TCF7L1: variants seen among roughly 807,000 people sequenced by gnomAD.
TCF7L1 encodes transcription factor 7 like 1.
In TCF7L1, 18 loss-of-function variants were observed where a neutral mutation model predicts 63.7. The ratio of observed to expected loss-of-function variants is 0.28; its 90% CI spans 0.20 to 0.42. The LOEUF (loss-of-function observed/expected upper bound fraction) is 0.42, where lower values mean the gene tolerates loss of function less well. Among genes scored for constraint, TCF7L1 ranks in the 10% least tolerant of loss-of-function variants. TCF7L1 has a pLI of 1.00. For missense variants in TCF7L1, 654 were observed against 779.3 expected, an observed-to-expected ratio of 0.84 and a Z score of 1.91; for synonymous variants, 355 against 340.9, an observed-to-expected ratio of 1.04 and a Z score of -0.46.
At chr2:85,212,286 C>G (rs973499640) in intron 3 of TCF7L1, among the ~76,000 whole-genome samples, 2 of 152,122 alleles carry the variant, frequency 1.3e-5, no homozygotes, top group Admixed American at 6.6e-5. Flanking sequence ...GGACCCACCA[C>G]TTACCAGCTG....
rs548203815 is a variant in TCF7L1 at position 85,180,239 on chromosome 2, T to G, written c.441+45789T>G. Among the ~76,000 whole-genome samples the G allele has an allele frequency of 2.8e-4, 43 of 151,734 alleles. 1 individual carries two copies. The South Asian group carries it at 8.9e-3, about 32-fold the overall frequency. On this transcript the variant is annotated intron_variant, in intron 3 of 11. Transcript: ENST00000282111. ...TTTTTTTTGTTTTTGTTTTTGTTTT[T>G]TTTTTTGGTAGAGACAGGGTCTTGC...
At chr2:85,254,733 C>G (rs527427566) in intron 3 of TCF7L1, among the ~76,000 whole-genome samples, 1 of 152,330 alleles carries the variant, frequency 6.6e-6, no homozygotes, top group East Asian at 1.9e-4. Flanking sequence ...CCAATCTGCA[C>G]TGAGATCTGC....
rs1166067431 is a variant in TCF7L1 at position 85,222,366 on chromosome 2, A to AAC, written c.442-61128_442-61127insCA. Among the ~76,000 whole-genome samples the AAC allele has an allele frequency of 2.7e-3, 404 of 146,926 alleles. 3 individuals are homozygous for AAC. The highest frequency in any genetic ancestry group is 9.8e-3 in the African/African-American group (390 of 39,960). The stretch of plus-strand genomic sequence containing the variant: ...AAAAAAAAAAACAAACAAACAAACA[A>AAC]AAAAAAAAACACTAAAGGCTTGGCC... On this transcript the variant is annotated intron_variant, in intron 3 of 11. Coordinates refer to ENST00000282111, the MANE Select transcript of TCF7L1 (RefSeq NM_031283.3).
At chr2:85,285,232 C>CA (rs11381989) in intron 4 of TCF7L1, among the ~76,000 whole-genome samples, 1,915 of 128,186 alleles carry the variant, frequency 0.015, 33 homozygotes, top group African/African-American at 0.045. Flanking sequence ...GACTCTGTCT[C>CA]AAAAAAAAAA....
chr2:85,156,196 G>A (rs1295577420), intron 3 of TCF7L1, among the ~76,000 whole-genome samples: 1 of 152,172 alleles, frequency 6.6e-6, no homozygotes, highest in Non-Finnish European at 1.5e-5. Flanking sequence ...AAGTGGGTAG[G>A]TATGTACGTC....
intron 3 of TCF7L1, among the ~76,000 whole-genome samples, chr2:85,224,516 G>A (rs184580888): frequency 1.3e-5 from 2 of 152,320 alleles, no homozygotes; most frequent in East Asian, 3.9e-4. Flanking sequence ...TTTTTGATTT[G>A]CATTTCTCTG....
intron 3 of TCF7L1, among the ~76,000 whole-genome samples, chr2:85,208,702 GA>G (rs1679472270): frequency 6.6e-6 from 1 of 152,176 alleles, no homozygotes; most frequent in African/African-American, 2.4e-5. Context: ...TGGAAGGATG[GA>G]AATGGGAGCT....
At chr2:85,253,631 T>G (rs1033981243) in intron 3 of TCF7L1, among the ~76,000 whole-genome samples, 1 of 152,138 alleles carries the variant, frequency 6.6e-6, no homozygotes, top group Non-Finnish European at 1.5e-5. Context: ...GAAAGGTTAG[T>G]GTCACAACAG....
At position 85,133,695 on chromosome 2, in the gene TCF7L1, TCGGCGGCGGGGGCGG is replaced by T. The variant is rs1228863977; in HGVS notation, c.21_35del (p.Gly10_Gly14del). On this transcript the variant is annotated inframe_deletion, in exon 1 of 12. Transcript: ENST00000282111. The surrounding 1 kb of genome is among the most constrained non-coding windows in gnomAD (Gnocchi z 4.4). The stretch of plus-strand genomic sequence containing the variant: ...GCCCGCGGCCCCACCATGCCCCAGC[TCGGCGGCGGGGGCGG>T]CGGCGGCGGCGGCGGCAGCGGGGGA... 4 of 996,556 alleles carry T rather than the reference TCGGCGGCGGGGGCGG, an allele frequency of 4.0e-6. No individual in the cohort carries two copies. Among genetic ancestry groups the T allele is most frequent in the Admixed American group, 6.3e-5 (1 of 15,806 alleles). The allele number at this position is 996,556 out of a possible 1,614,324, so 61.7% of individuals were successfully genotyped here.
chr2:85,281,556 A>G (rs1681421869), intron 3 of TCF7L1, among the ~76,000 whole-genome samples: 1 of 152,124 alleles, frequency 6.6e-6, no homozygotes, highest in Non-Finnish European at 1.5e-5. Flanking sequence ...GGCTCTGGGT[A>G]GGGCAAGGGA....
chr2:85,150,918 T>C (rs896500812), intron 3 of TCF7L1, among the ~76,000 whole-genome samples: 1 of 152,172 alleles, frequency 6.6e-6, no homozygotes, highest in South Asian at 2.1e-4. Flanking sequence ...AGTTGCCAAA[T>C]TGATGATCAG....
chr2:85,267,167 C>G (rs1224873810), intron 3 of TCF7L1, among the ~76,000 whole-genome samples: 1 of 151,370 alleles, frequency 6.6e-6, no homozygotes, highest in Non-Finnish European at 1.5e-5. Flanking sequence ...GTGGTGAAAC[C>G]CTGTCTCTAC....
At chr2:85,287,095 C>T (rs1265083884) in intron 4 of TCF7L1, among the ~76,000 whole-genome samples, 1 of 152,154 alleles carries the variant, frequency 6.6e-6, no homozygotes, top group East Asian at 1.9e-4. Context: ...GCCTGACTTC[C>T]CACACCTCTG....
chr2:85,219,697 T>C (rs1384952575), intron 3 of TCF7L1, among the ~76,000 whole-genome samples: 1 of 152,052 alleles, frequency 6.6e-6, no homozygotes, highest in Non-Finnish European at 1.5e-5. Context: ...ATGGGCAGCA[T>C]AGTGAGACCT....
chr2:85,273,270 A>G (rs1214831246), intron 3 of TCF7L1, among the ~76,000 whole-genome samples: 1 of 152,228 alleles, frequency 6.6e-6, no homozygotes, highest in African/African-American at 2.4e-5. Context: ...GCCAGCTGCA[A>G]GGAACCCACA....
At chr2:85,145,935 G>A (rs1677870520) in intron 3 of TCF7L1, among the ~76,000 whole-genome samples, 1 of 151,944 alleles carries the variant, frequency 6.6e-6, no homozygotes, top group Non-Finnish European at 1.5e-5. Flanking sequence ...GGTCTCGAAT[G>A]CCTGGGCTCA....
chr2:85,300,783 CTT>C (rs57906226), intron 4 of TCF7L1, among the ~76,000 whole-genome samples: 6 of 143,658 alleles, frequency 4.2e-5, no homozygotes, highest in African/African-American at 2.5e-5. Flanking sequence ...TTACAAATCT[CTT>C]TTTTTTTTTT....
intron 7 of TCF7L1, 102 bp downstream of exon 7, chr2:85,304,440 G>C: frequency 8.3e-7 from 1 of 1,197,738 alleles, no homozygotes. Context: ...CAGGCACAGG[G>C]CTCACCCTCC....
rs1169630994 is a variant in TCF7L1 at position 85,292,310 on chromosome 2, G to A, written c.525+8732G>A. On this transcript the variant is annotated intron_variant, in intron 4 of 11. Coordinates refer to ENST00000282111, the MANE Select transcript of TCF7L1 (RefSeq NM_031283.3). ...GCTGGGATTACAGGCGTGAGCCACC[G>A]CGCCCGGCCGGTCATATGTATTTTT... is the stretch of plus-strand genomic sequence containing the variant. Among the ~76,000 whole-genome samples the A allele has an allele frequency of 4.2e-4, 5 of 11,862 alleles. 2 individuals are homozygous for A. The highest frequency in any genetic ancestry group is 9.6e-3 in the African/African-American group (2 of 208). The allele number at this position is 11,862 out of a possible 152,430, so 7.8% of individuals were successfully genotyped here. A position where few individuals can be genotyped will look rare whatever the true frequency, so the allele number is the denominator to read the frequency against.
Sources: gnomAD v4.1 joint callset for allele counts (sites outside exome capture counted in the v4.1 genomes callset) on GRCh38, gnomAD v4.1.1 for gene constraint, Gnocchi (gnomAD v3.1) non-coding constraint, MANE v1.5 for transcripts, NCBI Gene and HGNC (gene_info 2026-07-23, HGNC 2026-07-21) for gene names.